The following ZFYVE26 variants were observed in gnomAD, a reference collection of about 807,000 sequenced individuals.
The protein encoded by ZFYVE26 is zinc finger FYVE domain-containing protein 26.
ZFYVE26 carries 181 observed loss-of-function variants against 276.5 expected under a neutral mutation model. That is an observed-to-expected ratio of 0.65 (90% CI 0.58 to 0.74). The LOEUF (loss-of-function observed/expected upper bound fraction) is 0.74. ZFYVE26 is among the 30% of genes least tolerant of loss of function. The pLI is 0.00. For missense variants in ZFYVE26, 2,821 were observed against 3,097.9 expected (o/e 0.91, Z 2.12); for synonymous variants, 1,129 against 1,203.1 (o/e 0.94, Z 1.27).
chr14:67,778,171 A>T lies in ZFYVE26; in HGVS notation c.4752T>A (p.His1584Gln), dbSNP rs779020818. The change falls in exon 24 of 42, where the codon CAT becomes CAA. Residue 1584 changes from histidine (H) to glutamine (Q), a missense_variant. Physicochemically the swap from His to Gln is conservative, Grantham distance 24. Transcript: ENST00000347230. ...CTCTTCTTTCTAGAAGGTGGAGAAG[A>T]TGCTTTTGATGAAGGCTGATTAAAT... ...REHLISLHQKHLLHLLERRDH... is the reference protein window; with the variant it reads ...REHLISLHQKQLLHLLERRDH... The T allele has an allele frequency of 5.8e-5, 94 of 1,614,070 alleles. No individual in the cohort carries two copies. Among genetic ancestry groups the T allele is most frequent in the Non-Finnish European group, 7.6e-5 (90 of 1,180,020 alleles).
intron 3 of ZFYVE26, among the ~76,000 whole-genome samples, chr14:67,813,269 C>T (rs1034164148): frequency 1.3e-5 from 2 of 152,224 alleles, no homozygotes; most frequent in African/African-American, 4.8e-5. Context: ...ATCTTGGTTT[C>T]AGCACCAGCT....
chr14:67,757,502 G>A (rs1403599948), intron 35 of ZFYVE26, among the ~76,000 whole-genome samples: 1 of 151,988 alleles, frequency 6.6e-6, no homozygotes, highest in African/African-American at 2.4e-5. Flanking sequence ...CACCTTCCCT[G>A]GGCACCCAGT....
At chr14:67,808,872 G>T (rs2040237042) in intron 4 of ZFYVE26, among the ~76,000 whole-genome samples, 1 of 152,070 alleles carries the variant, frequency 6.6e-6, no homozygotes, top group Non-Finnish European at 1.5e-5. Context: ...GTTGTTATGA[G>T]AATTAACTCT....
At chr14:67,802,505 A>G (rs528747220) in intron 9 of ZFYVE26, among the ~76,000 whole-genome samples, 14 of 152,110 alleles carry the variant, frequency 9.2e-5, no homozygotes, top group African/African-American at 2.7e-4. Flanking sequence ...CCTCCCTTCT[A>G]CATATCTCAT....
chr14:67,745,330 A>T (rs1001867605), downstream of ZFYVE26, among the ~76,000 whole-genome samples: 3 of 152,240 alleles, frequency 2.0e-5, no homozygotes, highest in Middle Eastern at 3.4e-3. Flanking sequence ...GGATAGATTT[A>T]AAAAAATCTC....
chr14:67,791,292 G>T (rs1204187201), intron 14 of ZFYVE26, among the ~76,000 whole-genome samples: 1 of 152,116 alleles, frequency 6.6e-6, no homozygotes, highest in East Asian at 1.9e-4. Context: ...AATCACCTTG[G>T]CACTATATAT....
intron 9 of ZFYVE26, among the ~76,000 whole-genome samples, chr14:67,803,221 G>A (rs2140247715): frequency 6.6e-6 from 1 of 152,194 alleles, no homozygotes; most frequent in South Asian, 2.1e-4. Flanking sequence ...AAACCATGGT[G>A]AGAATTCATC....
At chr14:67,760,370 T>C (rs1291280161) in intron 35 of ZFYVE26, among the ~76,000 whole-genome samples, 3 of 152,204 alleles carry the variant, frequency 2.0e-5, no homozygotes, top group African/African-American at 4.8e-5. Context: ...TGTAGGGGTA[T>C]AGTCATAATA....
chr14:67,788,716 G>A (rs1024706002), intron 16 of ZFYVE26, among the ~76,000 whole-genome samples: 3 of 152,144 alleles, frequency 2.0e-5, no homozygotes, highest in African/African-American at 7.2e-5. Flanking sequence ...CCAGACACAT[G>A]GGGCTACTCA....
rs1269609979 is a variant in ZFYVE26, at chr14:67,755,261, AAAAT to A, written c.6787-15_6787-12del. The A allele has an allele frequency of 6.2e-7, 1 of 1,614,060 alleles. No homozygotes were observed. The highest frequency in any genetic ancestry group is 8.5e-7 in the Non-Finnish European group (1 of 1,180,004). ...GGCCCGAACTTGGTCCTAGAAGAGGAAAATAAATGTTCAGGTCAAAGTAGATCAG... is the reference window on the plus strand; with the variant it reads ...GGCCCGAACTTGGTCCTAGAAGAGGAAAATGTTCAGGTCAAAGTAGATCAG... On this transcript the variant is annotated splice_polypyrimidine_tract_variant and intron_variant, in intron 36 of 41. Coordinates refer to ENST00000347230, the MANE Select transcript of ZFYVE26 (RefSeq NM_015346.4).
At position 67,805,637 on chromosome 14, in the gene ZFYVE26, T is replaced by C; in HGVS notation, c.1018-19A>G. 6.2e-7 allele frequency: 1 copy of C among 1,612,586 alleles called. No individual in the cohort carries two copies. Among genetic ancestry groups the C allele is most frequent in the African/African-American group, 1.3e-5 (1 of 75,074 alleles). On this transcript the variant is annotated intron_variant, in intron 6 of 41. Transcript: ENST00000347230. ...CTGTTACCTGTAAGTCAAAGAAAGC[T>C]GTTATAGGCAGCTATGTGGATGAGA...
intron 11 of ZFYVE26, 70 bp downstream of exon 11, chr14:67,797,944 T>C: frequency 6.2e-7 from 1 of 1,609,916 alleles, no homozygotes; most frequent in Non-Finnish European, 8.5e-7. Context: ...TACTCCTAGC[T>C]CTCTCCCATA....
At position 67,809,235 on chromosome 14, in the gene ZFYVE26, C is replaced by T; in HGVS notation, c.328G>A (p.Asp110Asn). Residue 110 changes from aspartate to asparagine, a missense_variant, in exon 4 of 42, where the codon GAC becomes AAC. By Grantham distance (23) the Asp-to-Asn change is conservative. Transcript: ENST00000347230. Reference protein sequence around the residue: ...RKLEFLLLSEDLQGDIPENIL... With the variant: ...RKLEFLLLSENLQGDIPENIL... ...TTCTCTGGAATGTCACCTTGGAGGT[C>T]TTCTGACAATAAAAGAAACTCAAGC... The T allele has an allele frequency of 1.2e-6, 2 of 1,614,050 alleles. No homozygotes were observed. Among genetic ancestry groups the T allele is most frequent in the African/African-American group, 1.3e-5 (1 of 75,022 alleles).
chr14:67,774,217 G>A (rs530442028), intron 27 of ZFYVE26, among the ~76,000 whole-genome samples: 2 of 152,290 alleles, frequency 1.3e-5, no homozygotes, highest in Admixed American at 6.5e-5. Flanking sequence ...CTATATAACA[G>A]TGACCTGGCT....
chr14:67,809,427 T>A lies in ZFYVE26; in HGVS notation c.274-138A>T, dbSNP rs1459139368. 260 of 630,820 alleles carry A rather than the reference T, an allele frequency of 4.1e-4. 3 individuals carry two copies. Among genetic ancestry groups the A allele is most frequent in the Middle Eastern group, 8.9e-4 (2 of 2,246 alleles). The allele number at this position is 630,820 out of a possible 1,614,324, so 39.1% of individuals were successfully genotyped here. ...AGCACTCTTTTTTTTTTTTTTTTTT[T>A]TTTTTTTTATTTTGAGACAGAGTCT... On this transcript the variant is annotated intron_variant, in intron 3 of 41. Transcript: ENST00000347230.
chr14:67,794,084 T>C, intron 13 of ZFYVE26, 87 bp downstream of exon 13: 1 of 1,430,258 alleles, frequency 7.0e-7, no homozygotes, highest in Non-Finnish European at 9.9e-7. Context: ...CCTTGACTGC[T>C]CAATCCTGGC....
chr14:67,755,345 C>A, intron 36 of ZFYVE26, 95 bp from the exon 37 acceptor site: 3 of 1,434,898 alleles, frequency 2.1e-6, no homozygotes, highest in Non-Finnish European at 1.9e-6. Context: ...GCCTATGAGA[C>A]CTTGTTTCCA....
chr14:67,752,182 G>C (rs1180357042), intron 40 of ZFYVE26, among the ~76,000 whole-genome samples, 162 bp downstream of exon 40: 1 of 152,198 alleles, frequency 6.6e-6, no homozygotes, highest in African/African-American at 2.4e-5. Flanking sequence ...TTTCTTTACA[G>C]GGAAGGGTCA....
Position 67,748,410 on chromosome 14 carries a change from C to T in ZFYVE26, c.*26G>A, listed in dbSNP as rs749140009. On this transcript the variant is annotated 3_prime_UTR_variant, in exon 42 of 42. Transcript: ENST00000347230. The stretch of plus-strand genomic sequence containing the variant: ...CTGCTGTTGCCCAGCTCTCAGGCCA[C>T]GTGTTCCTGGCCCCACTGCCCAAGG... 8.7e-6 allele frequency: 14 copies of T among 1,608,962 alleles called. No individual in the cohort carries two copies. The highest frequency in any genetic ancestry group is 6.6e-5 in the South Asian group (6 of 90,878).
Sources: allele counts gnomAD v4.1 joint callset (sites outside exome capture counted in the v4.1 genomes callset), GRCh38; gene constraint gnomAD v4.1.1; transcripts MANE v1.5; gene names NCBI Gene and HGNC (gene_info 2026-07-23, HGNC 2026-07-21).